The following XPC variants were observed in gnomAD, a reference collection of about 807,000 sequenced individuals.
XPC encodes XPC complex subunit, DNA damage recognition and repair factor.
Under a neutral mutation model 95.8 loss-of-function variants are expected in XPC, and 76 were observed. The observed-to-expected ratio is 0.79, with a 90% confidence interval of 0.66 to 0.96. XPC has a LOEUF of 0.96. XPC is among the 40% of genes least tolerant of loss of function. XPC has a pLI of 0.00. For missense variants in XPC, 1,146 were observed against 1,179.8 expected, an observed-to-expected ratio of 0.97 and a Z score of 0.42; for synonymous variants, 442 against 442.1, an observed-to-expected ratio of 1.00 and a Z score of 0.00.
At chr3:14,149,644 G>T (rs1293583027) in intron 11 of XPC, 1 of 152,016 alleles carries the variant, frequency 6.6e-6, no homozygotes, top group African/African-American at 2.4e-5. Context: ...ATTTTTGGTA[G>T]AGATGGGGTG....
rs772426327 is a variant in XPC at position 14,145,934 on chromosome 3, G to A, written c.*7C>T. The A allele has an allele frequency of 6.9e-6, 11 of 1,599,442 alleles. No individual in the cohort carries two copies. The highest frequency in any genetic ancestry group is 3.3e-5 in the South Asian group (3 of 90,496). On this transcript the variant is annotated 3_prime_UTR_variant, in exon 16 of 16. Transcript: ENST00000285021. ...ACTGGTGGGTGCCCCTCTAGTGGGC[G>A]CTCAGCTCACAGCTGCTCAAATGGG...
chr3:14,163,601 G>C (rs903867453), intron 7 of XPC, among the ~76,000 whole-genome samples: 2 of 152,010 alleles, frequency 1.3e-5, no homozygotes, highest in East Asian at 1.9e-4. Context: ...GGGACAGGGG[G>C]GTAACAATGA....
At position 14,158,010 on chromosome 3, in the gene XPC, C is replaced by G. The variant is rs1559374923; in HGVS notation, c.1872+1G>C. The G allele has an allele frequency of 6.3e-7, 1 of 1,595,036 alleles. No homozygotes were observed. Among genetic ancestry groups the G allele is most frequent in the Middle Eastern group, 1.7e-4 (1 of 5,990 alleles). On this transcript the variant is annotated splice_donor_variant, in intron 9 of 15. Coordinates refer to ENST00000285021, the MANE Select transcript of XPC (RefSeq NM_004628.5). LOFTEE classifies it high-confidence loss of function. This position sits in a 1 kb window ranked among gnomAD's most constrained non-coding sequence, Gnocchi z 5.2. ...GGAGCCCCTGGCAGCCAAGGCCTTA[C>G]CTCCAAGTCTTCTTTCTTCTCCCTG...
At chr3:14,171,681 C>G (rs1351466236) in intron 2 of XPC, among the ~76,000 whole-genome samples, 1 of 152,098 alleles carries the variant, frequency 6.6e-6, no homozygotes, top group Non-Finnish European at 1.5e-5. Context: ...ACTAAAAATA[C>G]AAAAATTAGC....
At position 14,147,980 on chromosome 3, in the gene XPC, GCAGACGATGTATC is replaced by G. The variant is rs749251734; in HGVS notation, c.2429_2441del (p.Gly810AlafsTer9). On this transcript the variant is annotated frameshift_variant, in exon 14 of 16. Transcript: ENST00000285021. LOFTEE classifies it high-confidence loss of function. ...TCAGGAGCACGTCTTTGAATTCCTCGCAGACGATGTATCCATCAGTCCTGTGGGGACACAACGC... is the reference window on the plus strand; with the variant it reads ...TCAGGAGCACGTCTTTGAATTCCTCGCATCAGTCCTGTGGGGACACAACGC... 9 of 1,592,450 alleles carry G rather than the reference GCAGACGATGTATC, an allele frequency of 5.7e-6. No individual in the cohort carries two copies. The highest frequency in any genetic ancestry group is 6.8e-6 in the Non-Finnish European group (8 of 1,168,594).
rs1057250168 is a variant in XPC, at chr3:14,145,446, C to T, written c.*495G>A. 1 of 695,162 alleles carries T rather than the reference C, an allele frequency of 1.4e-6. No homozygotes were observed. Among genetic ancestry groups the T allele is most frequent in the Non-Finnish European group, 2.6e-6 (1 of 380,654 alleles). The allele number at this position is 695,162 out of a possible 1,614,324, so 43.1% of individuals were successfully genotyped here. A position where few individuals can be genotyped will look rare whatever the true frequency, so the allele number is the denominator to read the frequency against. ...GTGAGGGCAGCATTAGTAAGCCTGACTCAGGGGAAGGTAAGTGGCCTGCAG... is the reference window on the plus strand; with the variant it reads ...GTGAGGGCAGCATTAGTAAGCCTGATTCAGGGGAAGGTAAGTGGCCTGCAG... On this transcript the variant is annotated 3_prime_UTR_variant, in exon 16 of 16. Coordinates refer to ENST00000285021, the MANE Select transcript of XPC (RefSeq NM_004628.5).
At chr3:14,148,171 A>G (rs1024399982) in intron 13 of XPC, 170 bp from the exon 14 acceptor site, 19 of 617,504 alleles carry the variant, frequency 3.1e-5, no homozygotes, top group Non-Finnish European at 4.8e-5. Context: ...GGCCTGTGGA[A>G]GCTGGCACTG....
At chr3:14,162,108 T>C (rs1021354233) in intron 7 of XPC, among the ~76,000 whole-genome samples, 1 of 152,160 alleles carries the variant, frequency 6.6e-6, no homozygotes, top group Non-Finnish European at 1.5e-5. Context: ...TAAAAGGCTG[T>C]ACACTGAAAA....
intron 3 of XPC, 24 bp downstream of exon 3, chr3:14,170,414 T>C (rs1235409576): frequency 6.2e-7 from 1 of 1,607,282 alleles, no homozygotes; most frequent in Admixed American, 1.7e-5. Flanking sequence ...CAAACAGTTC[T>C]GAAAACAAAG....
intron 10 of XPC, among the ~76,000 whole-genome samples, chr3:14,155,850 G>A (rs1037795948): frequency 5.9e-5 from 9 of 152,082 alleles, no homozygotes; most frequent in Admixed American, 2.0e-4. Context: ...GAGCCACCGC[G>A]CCCGGCCCAT....
chr3:14,173,069 G>A lies in XPC; in HGVS notation c.104-7C>T, dbSNP rs749189233. 2 of 1,558,338 alleles carry A rather than the reference G, an allele frequency of 1.3e-6. No homozygotes were observed. Among genetic ancestry groups the A allele is most frequent in the African/African-American group, 2.7e-5 (2 of 73,064 alleles). On this transcript the variant is annotated splice_region_variant and splice_polypyrimidine_tract_variant and intron_variant, in intron 1 of 15. Transcript: ENST00000285021. Reference sequence around the variant, plus strand: ...TTCTCATCTTCAAAGGCATCTAGGTGACAACACAGAACATAAGGTGAGGGG... The same window carrying A: ...TTCTCATCTTCAAAGGCATCTAGGTAACAACACAGAACATAAGGTGAGGGG...
intron 5 of XPC, 150 bp downstream of exon 5, chr3:14,167,019 C>T: frequency 3.5e-6 from 2 of 578,844 alleles, no homozygotes; most frequent in Non-Finnish European, 5.7e-6. Flanking sequence ...CTATTACTAC[C>T]CCCACCTCCC....
At chr3:14,167,288 G>A in intron 4 of XPC, 35 bp from the exon 5 acceptor site, 4 of 1,579,510 alleles carry the variant, frequency 2.5e-6, no homozygotes, top group African/African-American at 1.3e-5. Context: ...GGAATGAAGG[G>A]GGGAACTGAA....
Position 14,175,133 on chromosome 3 carries a change from C to T in XPC, c.104-2071G>A, listed in dbSNP as rs1482213906. ...CACTTCTCCTACCCAGCCCCTCGCT[C>T]GCTGTGTCCAGCCAACTGGCCAAGT... is the stretch of plus-strand genomic sequence containing the variant. On this transcript the variant is annotated intron_variant, in intron 1 of 15. Coordinates refer to ENST00000285021, the MANE Select transcript of XPC (RefSeq NM_004628.5). Among the ~76,000 whole-genome samples the T allele has an allele frequency of 3.3e-5, 5 of 152,118 alleles. No homozygotes were observed. In the South Asian group the frequency reaches 8.3e-4, roughly 25 times the overall value.
Position 14,145,878 on chromosome 3 carries a change from C to A in XPC, c.*63G>T, listed in dbSNP as rs113152186. ...CACCAGGGGCTGGGCATGCCCAGGG[C>A]AGGTGTGGGGCCTGTAGTGGGGCAG... On this transcript the variant is annotated 3_prime_UTR_variant, in exon 16 of 16. Coordinates refer to ENST00000285021, the MANE Select transcript of XPC (RefSeq NM_004628.5). The A allele has an allele frequency of 6.4e-7, 1 of 1,558,178 alleles. No individual in the cohort carries two copies. The highest frequency in any genetic ancestry group is 8.7e-7 in the Non-Finnish European group (1 of 1,144,120).
At chr3:14,167,143 C>G in intron 5 of XPC, 26 bp downstream of exon 5, 2 of 1,544,476 alleles carry the variant, frequency 1.3e-6, no homozygotes, top group African/African-American at 1.4e-5. Flanking sequence ...AAGGAAAAGT[C>G]CTTCCCCATC....
chr3:14,152,343 G>A lies in XPC; in HGVS notation c.2107C>T (p.Pro703Ser), dbSNP rs1193333979. Reference sequence around the variant, plus strand: ...CCCCCAGCTCCAGTTACCTTGTAGGGTACTTCTCCAAGCCTCACCACTCTT... The same window carrying A: ...CCCCCAGCTCCAGTTACCTTGTAGGATACTTCTCCAAGCCTCACCACTCTT... ...KARVVRLGEV[P>S]YKMVKGFSNR... is the part of the protein sequence containing the mutation. Residue 703 changes from proline to serine, a missense_variant, in exon 11 of 16, where the codon CCC becomes TCC. Physicochemically the swap from Pro to Ser is moderately conservative, Grantham distance 74 (BLOSUM62 -1). Transcript: ENST00000285021. 4 of 1,612,836 alleles carry A rather than the reference G, an allele frequency of 2.5e-6. No individual in the cohort carries two copies. In the Admixed American group the frequency reaches 6.7e-5, roughly 27 times the overall value.
In XPC at chr3:14,145,501, G is replaced by T. The variant is rs776846966; in HGVS notation, c.*440C>A. On this transcript the variant is annotated 3_prime_UTR_variant, in exon 16 of 16. Transcript: ENST00000285021. ...ATGGTCCTAGGTCCGCAACCGAGGC[G>T]AGTGAACTTGTCGGACAGATGAAGA... 2.9e-6 allele frequency: 2 copies of T among 698,470 alleles called. No homozygotes were observed. The highest frequency in any genetic ancestry group is 5.2e-6 in the Non-Finnish European group (2 of 383,244). 43.3% of individuals were successfully genotyped at this position (698,470 alleles called of 1,614,324 possible). A position where few individuals can be genotyped will look rare whatever the true frequency, so the allele number is the denominator to read the frequency against.
intron 4 of XPC, among the ~76,000 whole-genome samples, chr3:14,167,595 T>C (rs1008894390): frequency 9.9e-5 from 15 of 152,218 alleles, no homozygotes; most frequent in Admixed American, 8.5e-4. Context: ...TTAGCAACCA[T>C]TACCTTTATT....
Sources: gnomAD v4.1 joint callset for allele counts (sites outside exome capture counted in the v4.1 genomes callset) on GRCh38, gnomAD v4.1.1 for gene constraint, Gnocchi (gnomAD v3.1) non-coding constraint, MANE v1.5 for transcripts, NCBI Gene and HGNC (gene_info 2026-07-23, HGNC 2026-07-21) for gene names.